GSG1L: variants seen among roughly 807,000 people sequenced by gnomAD.
GSG1L encodes GSG1 like.
GSG1L carries 24 observed loss-of-function variants against 42.1 expected under a neutral mutation model. The ratio of observed to expected loss-of-function variants is 0.57; its 90% CI spans 0.41 to 0.80. The LOEUF (loss-of-function observed/expected upper bound fraction) is 0.80, where lower values mean the gene tolerates loss of function less well. GSG1L is among the 30% of genes least tolerant of loss of function. The probability of loss-of-function intolerance (pLI) is 0.00; values close to 1 mark genes in which losing one functional copy is unlikely to be tolerated. For missense variants in GSG1L, 445 were observed against 472.2 expected (o/e 0.94, Z 0.53); for synonymous variants, 215 against 203.5 (o/e 1.06, Z -0.48).
At position 27,791,287 on chromosome 16, in the gene GSG1L, C is replaced by T; in HGVS notation, c.*83G>A. 1 of 927,718 alleles carries T rather than the reference C, an allele frequency of 1.1e-6. No homozygotes were observed. 57.5% of individuals were successfully genotyped at this position (927,718 alleles called of 1,614,324 possible). A position where few individuals can be genotyped will look rare whatever the true frequency, so the allele number is the denominator to read the frequency against. On this transcript the variant is annotated 3_prime_UTR_variant, in exon 7 of 7. Transcript: ENST00000447459. ...AGTTCACGGCACACAGGCCAGGGTT[C>T]TGGGGGCACCACTCTGGTGGTCTTG...
chr16:27,818,971 C>T (rs369278298), intron 5 of GSG1L, among the ~76,000 whole-genome samples: 15 of 152,126 alleles, frequency 9.9e-5, no homozygotes, highest in South Asian at 2.1e-4. Flanking sequence ...AGACCTCGGC[C>T]GGGCGCGGTG....
rs115140512 is a variant in GSG1L at position 27,882,846 on chromosome 16, C to T, written c.550+1640G>A. 5.0e-3 allele frequency among the ~76,000 whole-genome samples: 768 copies of T among 152,268 alleles called. 9 individuals carry two copies. Among genetic ancestry groups the T allele is most frequent in the African/African-American group, 0.018 (728 of 41,540 alleles). On this transcript the variant is annotated intron_variant, in intron 3 of 6. Coordinates refer to ENST00000447459, the MANE Select transcript of GSG1L (RefSeq NM_001109763.2). The stretch of plus-strand genomic sequence containing the variant: ...CTTGGCCAGACGTGGTGGCTCACGC[C>T]TGTAATCCCAGTGCTATGAGAGGCT...
At position 27,933,166 on chromosome 16, in the gene GSG1L, T is replaced by C. The variant is rs143618654; in HGVS notation, c.397+29990A>G. 3.2e-4 allele frequency among the ~76,000 whole-genome samples: 48 copies of C among 151,948 alleles called. 1 individual carries two copies. The highest frequency in any genetic ancestry group is 1.1e-3 in the African/African-American group (45 of 41,438). ...GTTGCCAGTATGGAAGGGAGGGGAATGGAGAAAAGAATAACCCATTATTCA... is the reference window on the plus strand; with the variant it reads ...GTTGCCAGTATGGAAGGGAGGGGAACGGAGAAAAGAATAACCCATTATTCA... On this transcript the variant is annotated intron_variant, in intron 2 of 6. Coordinates refer to ENST00000447459, the MANE Select transcript of GSG1L (RefSeq NM_001109763.2).
At chr16:27,964,103 G>A (rs995697413) in intron 1 of GSG1L, among the ~76,000 whole-genome samples, 3 of 152,072 alleles carry the variant, frequency 2.0e-5, no homozygotes, top group Non-Finnish European at 2.9e-5. Context: ...AGGCCGAGGC[G>A]GGCGGATCAT....
chr16:27,896,323 G>A (rs148735928), intron 2 of GSG1L, among the ~76,000 whole-genome samples: 1 of 152,244 alleles, frequency 6.6e-6, no homozygotes, highest in East Asian at 1.9e-4. Context: ...GCTGAATAAG[G>A]GCTCTCAAAG....
chr16:27,897,205 G>C (rs917129713), intron 2 of GSG1L, among the ~76,000 whole-genome samples: 6 of 152,182 alleles, frequency 3.9e-5, no homozygotes, highest in Non-Finnish European at 8.8e-5. Context: ...CTGACCTCAA[G>C]AACTGTGAGA....
intron 2 of GSG1L, among the ~76,000 whole-genome samples, chr16:27,938,756 G>A (rs2084750416): frequency 1.3e-5 from 2 of 152,306 alleles, no homozygotes; most frequent in African/African-American, 4.8e-5. Flanking sequence ...GTAAGATTCT[G>A]AAAGCATGGT....
chr16:27,912,343 G>A (rs1373897407), intron 2 of GSG1L, among the ~76,000 whole-genome samples: 4 of 152,096 alleles, frequency 2.6e-5, no homozygotes, highest in African/African-American at 9.7e-5. Context: ...GTGAGACCTG[G>A]TCTCTACTAA....
At chr16:27,891,882 A>ATTT (rs1224468785) in intron 2 of GSG1L, among the ~76,000 whole-genome samples, 2 of 50,536 alleles carry the variant, frequency 4.0e-5, no homozygotes, top group African/African-American at 9.8e-5. Context: ...TCAGTGACAG[A>ATTT]TCTTTTTTTT....
At chr16:27,912,603 G>A (rs1596608311) in intron 2 of GSG1L, among the ~76,000 whole-genome samples, 1 of 152,170 alleles carries the variant, frequency 6.6e-6, no homozygotes, top group African/African-American at 2.4e-5. Context: ...CAACATCAAG[G>A]TTAAAAATGA....
At chr16:27,897,948 G>A (rs116043538) in intron 2 of GSG1L, among the ~76,000 whole-genome samples, 413 of 152,338 alleles carry the variant, frequency 2.7e-3, no homozygotes, top group African/African-American at 9.2e-3. Context: ...AGCCTATGAA[G>A]CTGATGGGCT....
chr16:27,866,733 G>A (rs546238765), intron 3 of GSG1L, among the ~76,000 whole-genome samples: 1 of 152,162 alleles, frequency 6.6e-6, no homozygotes, highest in African/African-American at 2.4e-5. Context: ...CACCATGCCA[G>A]GTTAATTTAT....
At chr16:27,902,856 A>T (rs1317534614) in intron 2 of GSG1L, among the ~76,000 whole-genome samples, 7 of 152,190 alleles carry the variant, frequency 4.6e-5, no homozygotes, top group Admixed American at 2.6e-4. Context: ...GTACCCAGAG[A>T]GTAGCCAGCA....
intron 5 of GSG1L, among the ~76,000 whole-genome samples, chr16:27,822,722 A>G (rs1311601091): frequency 6.6e-6 from 1 of 152,170 alleles, no homozygotes; most frequent in Non-Finnish European, 1.5e-5. Flanking sequence ...CTGGCCTAAT[A>G]TTGTTAATAA....
Position 27,789,383 on chromosome 16 carries a change from A to G in GSG1L, c.*1987T>C, listed in dbSNP as rs1400404713. Reference sequence around the variant, plus strand: ...TGGATGGTTGATGGATAATGGGCAGATGGAGGGATGAATGGATGAGTGGAT... The same window carrying G: ...TGGATGGTTGATGGATAATGGGCAGGTGGAGGGATGAATGGATGAGTGGAT... On this transcript the variant is annotated 3_prime_UTR_variant, in exon 7 of 7. Transcript: ENST00000447459. 1 of 150,678 alleles carries G rather than the reference A, an allele frequency of 6.6e-6. No homozygotes were observed. The highest frequency in any genetic ancestry group is 2.4e-5 in the African/African-American group (1 of 40,902). The allele number at this position is 150,678 out of a possible 1,614,324, so 9.3% of individuals were successfully genotyped here.
At chr16:27,888,448 CTTTCTT>C (rs1294800463) in intron 2 of GSG1L, among the ~76,000 whole-genome samples, 419 of 24,388 alleles carry the variant, frequency 0.017, 18 homozygotes, top group Non-Finnish European at 0.039. Flanking sequence ...TTCTTTCTTT[CTTTCTT>C]TCTTTCTTTC....
chr16:27,797,066 G>T (rs895511644), intron 6 of GSG1L, among the ~76,000 whole-genome samples: 5 of 152,152 alleles, frequency 3.3e-5, no homozygotes, highest in Admixed American at 2.6e-4. Context: ...TACGAGTTAG[G>T]TGCCATTATT....
chr16:27,907,848 G>T (rs755036711), intron 2 of GSG1L, among the ~76,000 whole-genome samples: 91 of 148,056 alleles, frequency 6.1e-4, no homozygotes, highest in Non-Finnish European at 1.2e-3. Context: ...TCTTGTGGTT[G>T]CAACAGCCTC....
intron 3 of GSG1L, chr16:27,863,379 A>T (rs1468263554): frequency 6.6e-6 from 1 of 152,228 alleles, no homozygotes; most frequent in Non-Finnish European, 1.5e-5. Flanking sequence ...CTATTGAATC[A>T]GATAACAAAA....
Sources: gnomAD v4.1 joint callset for allele counts (sites outside exome capture counted in the v4.1 genomes callset) on GRCh38, gnomAD v4.1.1 for gene constraint, MANE v1.5 for transcripts, NCBI Gene and HGNC (gene_info 2026-07-23, HGNC 2026-07-21) for gene names.